Variants in P4HA3 observed in about 807,000 individuals in gnomAD.
P4HA3 encodes the protein prolyl 4-hydroxylase subunit alpha 3.
In P4HA3, 60 loss-of-function variants were observed where a neutral mutation model predicts 66.7. The observed-to-expected ratio is 0.90, with a 90% CI of 0.73 to 1.12. The LOEUF (loss-of-function observed/expected upper bound fraction) is 1.12. P4HA3 is among the 50% of genes most tolerant of loss of function. The probability of loss-of-function intolerance (pLI) is 0.00; values close to 1 mark genes in which losing one functional copy is unlikely to be tolerated. For synonymous variants in P4HA3, 263 were observed against 274.6 expected (o/e 0.96, Z 0.42); for missense variants, 683 against 685.8 (o/e 1.00, Z 0.05).
At chr11:74,276,864 G>T (rs937033836) in intron 9 of P4HA3, 121 bp downstream of exon 9, 1 of 1,128,108 alleles carries the variant, frequency 8.9e-7, no homozygotes, top group Non-Finnish European at 1.2e-6. Flanking sequence ...TCTGGAAAAA[G>T]AACCTTTGTT....
At chr11:74,273,795 T>C (rs1404974959) in intron 9 of P4HA3, among the ~76,000 whole-genome samples, 188 bp from the exon 10 acceptor site, 1 of 151,530 alleles carries the variant, frequency 6.6e-6, no homozygotes, top group Non-Finnish European at 1.5e-5. Flanking sequence ...TTTTTTTTAC[T>C]AATTTATTAG....
chr11:74,276,634 T>A (rs114129256), intron 9 of P4HA3, among the ~76,000 whole-genome samples: 1 of 151,910 alleles, frequency 6.6e-6, no homozygotes, highest in African/African-American at 2.4e-5. Flanking sequence ...TTTAAAAAAA[T>A]TATTTGCTAT....
intron 4 of P4HA3, among the ~76,000 whole-genome samples, chr11:74,293,282 T>C (rs1861097608): frequency 2.0e-5 from 3 of 152,176 alleles, no homozygotes. Context: ...TGCCTTTTTT[T>C]GTTTTCCATT....
rs201421233 is a variant in P4HA3, at chr11:74,285,985, G to A, written c.934C>T (p.Pro312Ser). Residue 312 changes from proline to serine, a missense_variant and splice_region_variant, in exon 7 of 13, where the codon CCC (proline) becomes TCC (serine). Pro to Ser is a moderately conservative substitution (Grantham distance 74). Coordinates refer to ENST00000331597, the MANE Select transcript of P4HA3 (RefSeq NM_182904.5). The stretch of plus-strand genomic sequence containing the variant: ...AGGCTAGGGATCTGGTAGAGAGTGG[G>A]CTGGAAGGAAAGAATAGGATGAGCA... ...EGLCQTLGSQ[P>S]TLYQIPSLYC... 124 of 1,603,950 alleles carry A rather than the reference G, an allele frequency of 7.7e-5. No individual in the cohort carries two copies. Among genetic ancestry groups the A allele is most frequent in the Admixed American group, 2.0e-4 (12 of 59,970 alleles).
chr11:74,311,471 C>T lies in P4HA3; in HGVS notation c.141G>A (p.Leu47=). The change falls in exon 1 of 13, where the codon CTG becomes CTA. Residue 47 remains leucine (L), a synonymous_variant. Coordinates refer to ENST00000331597, the MANE Select transcript of P4HA3 (RefSeq NM_182904.5). The part of the protein sequence containing the change: ...VARALAPERR[L]LGLLRRYLRG... ...GCAGGTACCGCCTCAGCAGCCCCAGCAGCCGGCGCTCGGGCGCCAGGGCGC... is the reference window on the plus strand; with the variant it reads ...GCAGGTACCGCCTCAGCAGCCCCAGTAGCCGGCGCTCGGGCGCCAGGGCGC... 2 of 1,536,234 alleles carry T rather than the reference C, an allele frequency of 1.3e-6. No homozygotes were observed. Among genetic ancestry groups the T allele is most frequent in the Non-Finnish European group, 8.7e-7 (1 of 1,148,396 alleles).
Position 74,251,572 on chromosome 11 carries a change from T to C in P4HA3, c.*1319-3571A>G, listed in dbSNP as rs530079542. ...GAGGGCACCGTAGAGCCTAACCATC[T>C]AACAGTAGCTCACAGCCCAAGGCTA... On this transcript the variant is annotated intron_variant and NMD_transcript_variant, in intron 15 of 15. Transcript: ENST00000524388. 3.6e-5 allele frequency: 57 copies of C among 1,576,700 alleles called. No individual in the cohort carries two copies. The African/African-American group carries it at 7.0e-4, about 19-fold the overall frequency.
In P4HA3 at chr11:74,259,506, A is replaced by G. The variant is rs1404531404; in HGVS notation, c.*1318+417T>C. On this transcript the variant is annotated intron_variant and NMD_transcript_variant, in intron 15 of 15. Coordinates refer to the P4HA3 transcript ENST00000524388. ...TGGAAATGAACAGTTCAGTGGCATT[A>G]ATTACATTCACAAGGCTGTGGACCA... is the stretch of plus-strand genomic sequence containing the variant. Among the ~76,000 whole-genome samples the G allele has an allele frequency of 3.3e-5, 5 of 152,226 alleles. No homozygotes were observed. The East Asian group carries it at 9.6e-4, about 29-fold the overall frequency.
intron 7 of P4HA3, among the ~76,000 whole-genome samples, chr11:74,280,170 T>C (rs1029096681): frequency 7.2e-5 from 11 of 152,268 alleles, no homozygotes; most frequent in African/African-American, 2.6e-4. Context: ...TTATTATCTT[T>C]AGAGACAGGG....
In P4HA3 at chr11:74,311,586, G is replaced by A. The variant is rs1861755008; in HGVS notation, c.26C>T (p.Ala9Val). The A allele has an allele frequency of 6.5e-7, 1 of 1,533,042 alleles. No homozygotes were observed. The highest frequency in any genetic ancestry group is 8.7e-7 in the Non-Finnish European group (1 of 1,151,570). The allele number at this position is 1,533,042 out of a possible 1,614,324, so 95.0% of individuals were successfully genotyped here. The change falls in exon 1 of 13, where the codon GCG (alanine) becomes GTG (valine). Residue 9 changes from alanine (A) to valine (V), a missense_variant. Coordinates refer to ENST00000331597, the MANE Select transcript of P4HA3 (RefSeq NM_182904.5). ...CCCGAGCGCCAGCACCGCCAGCAGC[G>A]CCGCCAGCCGCGCCCCAGGACCCAT... MGPGARLA[A>V]LLAVLALGTG...
At chr11:74,255,173 C>T (rs1285480449) in intron 15 of P4HA3, among the ~76,000 whole-genome samples, 3 of 152,232 alleles carry the variant, frequency 2.0e-5, no homozygotes. Context: ...TGCTCTTCCT[C>T]CAGCGTTTCC....
intron 10 of P4HA3, among the ~76,000 whole-genome samples, chr11:74,271,213 C>A (rs1860184962): frequency 6.6e-6 from 1 of 152,170 alleles, no homozygotes; most frequent in Non-Finnish European, 1.5e-5. Flanking sequence ...GCAGTGGTGA[C>A]TATTAGCATT....
intron 4 of P4HA3, among the ~76,000 whole-genome samples, chr11:74,296,399 T>A (rs1403538554): frequency 6.6e-6 from 1 of 152,196 alleles, no homozygotes; most frequent in Non-Finnish European, 1.5e-5. Context: ...TAAAATACAT[T>A]AAATTTTATG....
intron 15 of P4HA3, chr11:74,253,547 G>C (rs1859759089): frequency 1.3e-6 from 2 of 1,584,074 alleles, no homozygotes; most frequent in South Asian, 1.1e-5. Context: ...ATCGAGCTCT[G>C]TTGTAAATAC....
chr11:74,282,905 C>T (rs1274103247), intron 7 of P4HA3, among the ~76,000 whole-genome samples: 1 of 152,144 alleles, frequency 6.6e-6, no homozygotes. Context: ...TGAAAAAGAA[C>T]CAAAGGAGGC....
intron 9 of P4HA3, among the ~76,000 whole-genome samples, 187 bp from the exon 10 acceptor site, chr11:74,273,794 C>T (rs201642731): frequency 4.0e-5 from 6 of 149,922 alleles, no homozygotes. Context: ...TTTTTTTTTA[C>T]TAATTTATTA....
Position 74,270,392 on chromosome 11 carries a change from G to A in P4HA3, c.1399-672C>T, listed in dbSNP as rs147568619. Reference sequence around the variant, plus strand: ...GGAGTTTCATCACTGGTCTGTTCTAGGACTATGGATATGTTTTCTTAATGT... The same window carrying A: ...GGAGTTTCATCACTGGTCTGTTCTAAGACTATGGATATGTTTTCTTAATGT... On this transcript the variant is annotated intron_variant, in intron 10 of 12. Transcript: ENST00000331597. Among the ~76,000 whole-genome samples, 182 of 152,200 alleles carry A rather than the reference G, an allele frequency of 1.2e-3. 1 individual carries two copies. The highest frequency in any genetic ancestry group is 4.1e-3 in the African/African-American group (172 of 41,552).
At chr11:74,274,931 T>A (rs1383863839) in intron 9 of P4HA3, among the ~76,000 whole-genome samples, 1 of 152,180 alleles carries the variant, frequency 6.6e-6, no homozygotes, top group Non-Finnish European at 1.5e-5. Flanking sequence ...ATTTCCCTAA[T>A]GATGTTGAGC....
chr11:74,273,462 A>G (rs1860276110), intron 10 of P4HA3, 83 bp downstream of exon 10: 1 of 1,255,758 alleles, frequency 8.0e-7, no homozygotes, highest in Non-Finnish European at 1.1e-6. Context: ...AGATAAAATC[A>G]ATACGTGAAA....
intron 7 of P4HA3, among the ~76,000 whole-genome samples, chr11:74,280,126 T>C (rs1256385654): frequency 6.6e-6 from 1 of 152,198 alleles, no homozygotes; most frequent in Non-Finnish European, 1.5e-5. Context: ...TCTTTTGTTC[T>C]GAATGTCTAG....
Sources: gnomAD v4.1 joint callset for allele counts (sites outside exome capture counted in the v4.1 genomes callset) on GRCh38, gnomAD v4.1.1 for gene constraint, MANE v1.5 for transcripts, NCBI Gene and HGNC (gene_info 2026-07-23, HGNC 2026-07-21) for gene names.